The following SGCD variants were observed in gnomAD, a reference collection of about 807,000 sequenced individuals.
SGCD encodes the protein sarcoglycan delta, also known as delta-sarcoglycan.
SGCD carries 18 observed loss-of-function variants against 36.6 expected under a neutral mutation model. That is an observed-to-expected ratio of 0.49 (90% CI 0.34 to 0.73). The LOEUF is 0.73. SGCD is among the 30% of genes least tolerant of loss of function. The pLI, the probability that SGCD is intolerant of heterozygous loss-of-function variation, is 0.01. For missense variants in SGCD, 387 were observed against 346.7 expected (o/e 1.12, Z -0.92); for synonymous variants, 133 against 130.6 (o/e 1.02, Z -0.12).
At chr5:156,283,485 G>A (rs1429572450) in intron 3 of SGCD, among the ~76,000 whole-genome samples, 1 of 152,128 alleles carries the variant, frequency 6.6e-6, no homozygotes, top group East Asian at 1.9e-4. Flanking sequence ...CCATGGGGCA[G>A]AAACTGTGAT....
chr5:156,044,097 T>C lies in SGCD; in HGVS notation c.-281-73781T>C, dbSNP rs577280088. On this transcript the variant is annotated intron_variant, in intron 1 of 9. Transcript: ENST00000517913. ...TATGCTTTCAGAGGCAGGGGATGTT[T>C]GCTCTGGACTGGGGAAGTCAGAGAA... Among the ~76,000 whole-genome samples, 90 of 152,298 alleles carry C rather than the reference T, an allele frequency of 5.9e-4. 1 individual carries two copies. The highest frequency in any genetic ancestry group is 2.1e-3 in the African/African-American group (87 of 41,570).
intron 3 of SGCD, among the ~76,000 whole-genome samples, chr5:156,159,405 GA>G (rs1238914258): frequency 6.6e-6 from 1 of 151,118 alleles, no homozygotes; most frequent in Admixed American, 6.6e-5. Flanking sequence ...TTAAGCAAAT[GA>G]AAAAAATCTA....
intron 3 of SGCD, among the ~76,000 whole-genome samples, chr5:156,493,164 A>C (rs1322156092): frequency 6.6e-6 from 1 of 152,148 alleles, no homozygotes; most frequent in East Asian, 1.9e-4. Context: ...GGTTGAAACG[A>C]CATGATGTTT....
chr5:155,925,469 T>C (rs1184551607), intron 1 of SGCD, among the ~76,000 whole-genome samples: 1 of 152,190 alleles, frequency 6.6e-6, no homozygotes, highest in African/African-American at 2.4e-5. Context: ...CTGGCTTCTG[T>C]GGTCGTCATC....
intron 1 of SGCD, among the ~76,000 whole-genome samples, chr5:155,944,954 T>C (rs1454707978): frequency 6.6e-6 from 1 of 152,084 alleles, no homozygotes; most frequent in African/African-American, 2.4e-5. Flanking sequence ...TCTCACCATA[T>C]AGATGGTGGC....
chr5:155,940,875 C>CAAA (rs201807136), intron 1 of SGCD, among the ~76,000 whole-genome samples: 1 of 89,732 alleles, frequency 1.1e-5, no homozygotes. Context: ...ACAACAACAA[C>CAAA]AAAAAAAACA....
the SGCD span, among the ~76,000 whole-genome samples, chr5:155,732,356 G>T: frequency 3.5e-3 from 537 of 152,326 alleles, 1 homozygote; most frequent in African/African-American, 0.013. Context: ...GAGTCCAGGC[G>T]TGGTTGACTT....
At chr5:156,609,513 A>G (rs1369327363) in intron 6 of SGCD, among the ~76,000 whole-genome samples, 3 of 151,992 alleles carry the variant, frequency 2.0e-5, no homozygotes, top group African/African-American at 4.8e-5. Flanking sequence ...GAATCTGACA[A>G]TTATGTGTCT....
chr5:156,370,729 GT>G (rs1378415371), intron 3 of SGCD, among the ~76,000 whole-genome samples: 1 of 152,116 alleles, frequency 6.6e-6, no homozygotes, highest in African/African-American at 2.4e-5. Flanking sequence ...ATGCATGACA[GT>G]TTTTTTACGG....
At chr5:156,280,491 G>T (rs1372594975) in intron 3 of SGCD, among the ~76,000 whole-genome samples, 1 of 152,140 alleles carries the variant, frequency 6.6e-6, no homozygotes, top group African/African-American at 2.4e-5. Context: ...CCTCCTGATG[G>T]CATTTTTGTT....
At chr5:155,952,804 A>C (rs1375209606) in intron 1 of SGCD, among the ~76,000 whole-genome samples, 2 of 152,194 alleles carry the variant, frequency 1.3e-5, no homozygotes, top group East Asian at 3.9e-4. Flanking sequence ...TGCCTTTGAA[A>C]AGGCAAATTT....
rs547909368 is a variant in SGCD at position 155,934,949 on chromosome 5, A to G, written c.-282+64525A>G. Among the ~76,000 whole-genome samples, 5 of 152,308 alleles carry G rather than the reference A, an allele frequency of 3.3e-5. No individual in the cohort carries two copies. In the South Asian group the frequency reaches 1.0e-3, roughly 32 times the overall value. ...TGCAGTAAGATGGATTCCCAGAGCT[A>G]TCGTCAGCACCCAGTGTTCACAGAT... On this transcript the variant is annotated intron_variant, in intron 1 of 9. Coordinates refer to the SGCD transcript ENST00000517913.
chr5:156,041,591 G>C (rs1759635574), intron 1 of SGCD, among the ~76,000 whole-genome samples: 1 of 152,146 alleles, frequency 6.6e-6, no homozygotes, highest in South Asian at 2.1e-4. Context: ...CATTTATTGA[G>C]TACCTATTAT....
intron 4 of SGCD, among the ~76,000 whole-genome samples, chr5:156,520,169 C>T (rs1757340341): frequency 6.6e-6 from 1 of 152,186 alleles, no homozygotes; most frequent in African/African-American, 2.4e-5. Context: ...TCAGGAAAGT[C>T]TCAAGATACA....
At chr5:156,671,706 C>A (rs1165060676) in intron 7 of SGCD, among the ~76,000 whole-genome samples, 3 of 152,168 alleles carry the variant, frequency 2.0e-5, no homozygotes, top group Non-Finnish European at 2.9e-5. Context: ...TGTGTCAGTG[C>A]ATTTTGCATT....
intron 3 of SGCD, among the ~76,000 whole-genome samples, chr5:156,466,321 T>TG (rs1214502299): frequency 1.3e-5 from 2 of 152,184 alleles, no homozygotes; most frequent in Admixed American, 6.5e-5. Context: ...AAGAAATAAA[T>TG]TTTTTTAACT....
upstream of SGCD, among the ~76,000 whole-genome samples, chr5:156,322,751 A>C (rs534058719): frequency 6.6e-6 from 1 of 152,352 alleles, no homozygotes; most frequent in South Asian, 2.1e-4. Context: ...ATTTATTTGA[A>C]GGATTAGAAG....
At chr5:156,475,656 C>T (rs1264193982) in intron 3 of SGCD, among the ~76,000 whole-genome samples, 2 of 152,180 alleles carry the variant, frequency 1.3e-5, no homozygotes, top group Non-Finnish European at 2.9e-5. Context: ...TTCTAGCAAG[C>T]CTGCCGCTAA....
intron 3 of SGCD, among the ~76,000 whole-genome samples, chr5:156,473,467 G>A (rs1334267880): frequency 1.3e-5 from 2 of 152,176 alleles, no homozygotes; most frequent in African/African-American, 4.8e-5. Flanking sequence ...TCTCAGAATG[G>A]CACACAATTT....
Sources: gnomAD v4.1 joint callset for allele counts (sites outside exome capture counted in the v4.1 genomes callset) on GRCh38, gnomAD v4.1.1 for gene constraint, MANE v1.5 for transcripts, NCBI Gene and HGNC (gene_info 2026-07-23, HGNC 2026-07-21) for gene names.